The following ROBO1 variants were observed in gnomAD, a reference collection of about 807,000 sequenced individuals.
The protein encoded by ROBO1 is roundabout guidance receptor 1, also known as roundabout homolog 1.
A neutral mutation model predicts 195.9 loss-of-function variants in ROBO1; 149 were observed. The observed-to-expected ratio is 0.76, with a 90% CI of 0.67 to 0.87. The LOEUF (loss-of-function observed/expected upper bound fraction) is 0.87. Ranked by LOEUF, ROBO1 falls within the 40% of genes least tolerant of loss-of-function variation. The pLI, the probability that ROBO1 is intolerant of heterozygous loss-of-function variation, is 0.00. For synonymous variants in ROBO1, 816 were observed against 733.2 expected, an observed-to-expected ratio of 1.11 and a Z score of -1.82; for missense variants, 1,933 against 2,068.3, an observed-to-expected ratio of 0.93 and a Z score of 1.27.
At chr3:78,680,324 T>G (rs911399482) in intron 10 of ROBO1, among the ~76,000 whole-genome samples, 1 of 151,932 alleles carries the variant, frequency 6.6e-6, no homozygotes, top group Non-Finnish European at 1.5e-5. Context: ...AAGTCAAAAT[T>G]GACAAATGGG....
intron 1 of ROBO1, among the ~76,000 whole-genome samples, chr3:79,678,568 A>G (rs981425171): frequency 6.6e-6 from 1 of 152,102 alleles, no homozygotes; most frequent in Non-Finnish European, 1.5e-5. Flanking sequence ...AAAATCTTCA[A>G]TTCCTCTTTT....
intron 3 of ROBO1, among the ~76,000 whole-genome samples, chr3:79,045,469 G>T (rs963431483): frequency 6.6e-6 from 1 of 151,886 alleles, no homozygotes; most frequent in Admixed American, 6.6e-5. Context: ...AATAATTATA[G>T]AGAAACATAT....
intron 2 of ROBO1, among the ~76,000 whole-genome samples, chr3:79,263,780 T>G (rs1341859301): frequency 6.6e-6 from 1 of 152,138 alleles, no homozygotes; most frequent in Non-Finnish European, 1.5e-5. Context: ...TCCTCCCATT[T>G]TCTTCTTTTT....
At chr3:79,633,137 T>C (rs1306066906) in intron 1 of ROBO1, among the ~76,000 whole-genome samples, 2 of 149,222 alleles carry the variant, frequency 1.3e-5, no homozygotes, top group South Asian at 2.1e-4. Context: ...GAAACATATA[T>C]TATAAGAAAA....
intron 11 of ROBO1, 115 bp from the exon 12 acceptor site, chr3:78,668,680 C>G: frequency 1.2e-6 from 1 of 807,654 alleles, no homozygotes; most frequent in Non-Finnish European, 1.9e-6. Context: ...TTAAAATTCA[C>G]TAACCAGAAA....
At chr3:79,759,883 A>T (rs1443561905) in intron 1 of ROBO1, among the ~76,000 whole-genome samples, 2 of 152,088 alleles carry the variant, frequency 1.3e-5, no homozygotes, top group African/African-American at 2.4e-5. Context: ...TGGCAGTCAT[A>T]TTTTTCAGCA....
chr3:79,050,411 A>T (rs2078674744), intron 3 of ROBO1, among the ~76,000 whole-genome samples: 1 of 152,112 alleles, frequency 6.6e-6, no homozygotes, highest in Non-Finnish European at 1.5e-5. Flanking sequence ...GTCCTTAGAG[A>T]CCTACAAAGA....
intron 2 of ROBO1, among the ~76,000 whole-genome samples, chr3:79,301,523 T>C (rs892987189): frequency 2.6e-5 from 4 of 152,236 alleles, no homozygotes; most frequent in African/African-American, 9.6e-5. Flanking sequence ...GAATGCTTAC[T>C]TCCAGTGTTT....
intron 14 of ROBO1, among the ~76,000 whole-genome samples, chr3:78,664,689 G>A (rs1352325463): frequency 6.6e-6 from 1 of 152,188 alleles, no homozygotes. Context: ...TACACTTGGG[G>A]AAGATTCTTT....
intron 16 of ROBO1, chr3:78,660,783 C>A (rs947360552): frequency 5.8e-6 from 2 of 342,218 alleles, no homozygotes; most frequent in East Asian, 9.3e-5. Flanking sequence ...TTTCTATATG[C>A]CATTAAGTAA....
At chr3:79,615,048 C>T (rs2107942171) in intron 1 of ROBO1, among the ~76,000 whole-genome samples, 1 of 152,216 alleles carries the variant, frequency 6.6e-6, no homozygotes, top group East Asian at 1.9e-4. Flanking sequence ...TAACCTGAAA[C>T]AAGAGTATAG....
At chr3:79,054,298 C>G (rs1457806696) in intron 3 of ROBO1, among the ~76,000 whole-genome samples, 2 of 152,088 alleles carry the variant, frequency 1.3e-5, no homozygotes, top group Non-Finnish European at 2.9e-5. Flanking sequence ...TCTTTTACTA[C>G]AGTTAAACAA....
chr3:79,371,458 G>A (rs113952855), intron 2 of ROBO1, among the ~76,000 whole-genome samples: 55 of 152,200 alleles, frequency 3.6e-4, no homozygotes, highest in Middle Eastern at 3.4e-3. Flanking sequence ...TTCCATTTAC[G>A]TAGTAGATGG....
intron 2 of ROBO1, among the ~76,000 whole-genome samples, chr3:79,307,282 AT>A (rs2033265436): frequency 6.6e-6 from 1 of 151,736 alleles, no homozygotes; most frequent in African/African-American, 2.4e-5. Context: ...GACATTATCC[AT>A]TTACAGGCTT....
intron 1 of ROBO1, among the ~76,000 whole-genome samples, chr3:79,598,503 T>C (rs2107853629): frequency 6.6e-6 from 1 of 152,132 alleles, no homozygotes; most frequent in Non-Finnish European, 1.5e-5. Flanking sequence ...ACACCAAATA[T>C]CAGCAAAAAT....
chr3:78,606,331 C>A (rs1703455564), intron 29 of ROBO1, among the ~76,000 whole-genome samples: 1 of 152,202 alleles, frequency 6.6e-6, no homozygotes, highest in Admixed American at 6.5e-5. Flanking sequence ...TGCCAATATG[C>A]CCAGCTAATT....
chr3:79,183,080 C>CAAAAAAAAAAAAAAAAAAAAA (rs1304597488), intron 2 of ROBO1, among the ~76,000 whole-genome samples: 17 of 64,794 alleles, frequency 2.6e-4, no homozygotes, highest in African/African-American at 8.6e-4. Context: ...GACTCCAACT[C>CAAAAAAAAAAAAAAAAAAAAA]AAAAAAAAAA....
At chr3:78,801,118 G>T (rs1044441206) in intron 4 of ROBO1, among the ~76,000 whole-genome samples, 1 of 151,964 alleles carries the variant, frequency 6.6e-6, no homozygotes, top group African/African-American at 2.4e-5. Flanking sequence ...AATCCACCTC[G>T]GGCTTAGGGC....
chr3:78,861,728 G>A (rs996718069), intron 4 of ROBO1, among the ~76,000 whole-genome samples: 1 of 152,058 alleles, frequency 6.6e-6, no homozygotes, highest in Non-Finnish European at 1.5e-5. Flanking sequence ...CTTCCCATTA[G>A]AAATAACTGC....
Sources: gnomAD v4.1 joint callset for allele counts (sites outside exome capture counted in the v4.1 genomes callset) on GRCh38, gnomAD v4.1.1 for gene constraint, MANE v1.5 for transcripts, NCBI Gene and HGNC (gene_info 2026-07-23, HGNC 2026-07-21) for gene names.